Variants in CELF4 observed in about 807,000 individuals in gnomAD.
CELF4 encodes the protein CUG-BP- and ETR-3-like factor 4.
In CELF4, 18 loss-of-function variants were observed where a neutral mutation model predicts 59.9. The observed-to-expected ratio is 0.30, with a 90% CI of 0.21 to 0.45. The LOEUF (loss-of-function observed/expected upper bound fraction) is 0.45, where lower values mean the gene tolerates loss of function less well. Among genes scored for constraint, CELF4 ranks in the 20% least tolerant of loss-of-function variants. The pLI, the probability that CELF4 is intolerant of heterozygous loss-of-function variation, is 1.00. For missense variants in CELF4, 456 were observed against 689.0 expected (o/e 0.66, Z 3.79); for synonymous variants, 261 against 267.1 (o/e 0.98, Z 0.22).
chr18:37,551,769 C>T (rs2099983259), intron 1 of CELF4, among the ~76,000 whole-genome samples: 1 of 152,112 alleles, frequency 6.6e-6, no homozygotes, highest in African/African-American at 2.4e-5. Context: ...CACTGCAGAC[C>T]CAAAGCAGGT....
chr18:37,546,269 ACATCTCCT>A (rs1266236841), intron 1 of CELF4, among the ~76,000 whole-genome samples: 9 of 152,148 alleles, frequency 5.9e-5, no homozygotes, highest in Admixed American at 5.9e-4. Flanking sequence ...ACACGTCCGC[ACATCTCCT>A]CATCTCCTCG....
intron 2 of CELF4, among the ~76,000 whole-genome samples, chr18:37,472,606 G>A (rs1163612993): frequency 6.6e-6 from 1 of 152,240 alleles, no homozygotes; most frequent in Non-Finnish European, 1.5e-5. Context: ...GCACCCCAGG[G>A]CTGAGATGAG....
intron 2 of CELF4, among the ~76,000 whole-genome samples, chr18:37,325,409 C>G (rs2097272781): frequency 6.6e-6 from 1 of 152,218 alleles, no homozygotes; most frequent in Admixed American, 6.5e-5. Context: ...AATGACGGGT[C>G]CCATTTTCCA....
chr18:37,286,590 A>G (rs1160599956), intron 3 of CELF4, among the ~76,000 whole-genome samples: 2 of 152,174 alleles, frequency 1.3e-5, no homozygotes. Context: ...TAATATTGAC[A>G]GTGGGGCTTG....
At chr18:37,269,265 CTCT>C (rs898415494) in intron 8 of CELF4, among the ~76,000 whole-genome samples, 3 of 152,112 alleles carry the variant, frequency 2.0e-5, no homozygotes, top group African/African-American at 7.2e-5. Flanking sequence ...CTCCTCTGGC[CTCT>C]TCTTGGTGGA....
At chr18:37,264,526 AG>A in intron 10 of CELF4, 147 bp downstream of exon 10, 1 of 666,460 alleles carries the variant, frequency 1.5e-6, no homozygotes. Flanking sequence ...CACTCCTCAC[AG>A]CACTGCTGTC....
intron 2 of CELF4, among the ~76,000 whole-genome samples, chr18:37,449,337 G>A (rs1233850701): frequency 1.3e-5 from 2 of 152,186 alleles, no homozygotes; most frequent in African/African-American, 2.4e-5. Context: ...GATCATGGGG[G>A]ACAGGGAAAG....
intron 10 of CELF4, among the ~76,000 whole-genome samples, chr18:37,259,788 C>G (rs887203693): frequency 1.3e-5 from 2 of 152,194 alleles, no homozygotes; most frequent in Non-Finnish European, 2.9e-5. Context: ...CCTGCAGCCT[C>G]TCTTTCTCAT....
chr18:37,527,599 C>G (rs190385828), intron 1 of CELF4, among the ~76,000 whole-genome samples: 2 of 152,262 alleles, frequency 1.3e-5, no homozygotes, highest in East Asian at 3.9e-4. Context: ...TGAGACAAAC[C>G]TGATGTTTCA....
chr18:37,308,399 C>G (rs538044654), intron 3 of CELF4, among the ~76,000 whole-genome samples: 3 of 152,302 alleles, frequency 2.0e-5, no homozygotes, highest in African/African-American at 7.2e-5. Context: ...AGCCTGGAAC[C>G]CCCTGCAGCA....
chr18:37,495,715 A>C (rs958333337), intron 1 of CELF4, among the ~76,000 whole-genome samples: 1 of 152,030 alleles, frequency 6.6e-6, no homozygotes, highest in East Asian at 1.9e-4. Flanking sequence ...TGCCTTCCCC[A>C]TGCAGAAGGA....
chr18:37,274,548 C>T (rs767798421), intron 5 of CELF4, 94 bp from the exon 6 acceptor site: 2 of 1,595,818 alleles, frequency 1.3e-6, no homozygotes, highest in Admixed American at 1.7e-5. Context: ...GCCCGCTCCT[C>T]GGGGCGCTTT....
At chr18:37,432,057 C>A (rs142660321) in intron 2 of CELF4, among the ~76,000 whole-genome samples, 56 of 152,358 alleles carry the variant, frequency 3.7e-4, no homozygotes, top group Middle Eastern at 3.4e-3. Context: ...TGGGCCTGAG[C>A]TGGGAGGCTG....
In CELF4 at chr18:37,540,523, C is replaced by T. The variant is rs528137189; in HGVS notation, c.286+24833G>A. Among the ~76,000 whole-genome samples, 46 of 152,048 alleles carry T rather than the reference C, an allele frequency of 3.0e-4. 1 individual carries two copies. In the South Asian group the frequency reaches 8.7e-3, roughly 29 times the overall value. ...GTCAGGCTGGTGGGGGTGGCTGGGT[C>T]GGGATATGTGGGCCACAAGGACACA... On this transcript the variant is annotated intron_variant, in intron 1 of 12. Transcript: ENST00000420428.
chr18:37,359,435 A>G (rs549748729), intron 2 of CELF4, among the ~76,000 whole-genome samples: 69 of 151,788 alleles, frequency 4.5e-4, no homozygotes, highest in African/African-American at 1.6e-3. Context: ...TCAAACTCCT[A>G]GACTCAAATG....
In CELF4 at chr18:37,486,648, G is replaced by A. The variant is rs79953125; in HGVS notation, c.287-1041C>T. Among the ~76,000 whole-genome samples, 820 of 152,324 alleles carry A rather than the reference G, an allele frequency of 5.4e-3. 4 individuals carry two copies. Among genetic ancestry groups the A allele is most frequent in the African/African-American group, 0.018 (753 of 41,572 alleles). The stretch of plus-strand genomic sequence containing the variant: ...GGAAAGCCCAAAAGCTCACTATGGC[G>A]GAAGCAGGCTTGAATGTTCTGGTGA... On this transcript the variant is annotated intron_variant, in intron 1 of 12. Transcript: ENST00000420428.
chr18:37,542,924 A>T (rs544845677), intron 1 of CELF4, among the ~76,000 whole-genome samples: 1 of 152,218 alleles, frequency 6.6e-6, no homozygotes, highest in East Asian at 1.9e-4. Flanking sequence ...CTCTAGATCC[A>T]GTGCTCTTTC....
intron 2 of CELF4, among the ~76,000 whole-genome samples, chr18:37,354,368 A>G (rs1181548150): frequency 1.3e-5 from 2 of 151,960 alleles, no homozygotes; most frequent in Non-Finnish European, 2.9e-5. Flanking sequence ...AATGAAGCCC[A>G]TGCTTCTGAT....
intron 11 of CELF4, among the ~76,000 whole-genome samples, chr18:37,255,964 C>T (rs2069079395): frequency 6.6e-6 from 1 of 152,144 alleles, no homozygotes; most frequent in African/African-American, 2.4e-5. Flanking sequence ...TTTAGAGGTC[C>T]TCGGAAGCCC....
Sources: allele counts gnomAD v4.1 joint callset (sites outside exome capture counted in the v4.1 genomes callset), GRCh38; gene constraint gnomAD v4.1.1; transcripts MANE v1.5; gene names NCBI Gene and HGNC (gene_info 2026-07-23, HGNC 2026-07-21).